Variants in FHOD3 observed in about 807,000 individuals in gnomAD.
FHOD3 encodes the protein FH1/FH2 domain-containing protein 3.
In FHOD3, 90 loss-of-function variants were observed where a neutral mutation model predicts 173.0. The ratio of observed to expected loss-of-function variants is 0.52; its 90% confidence interval spans 0.44 to 0.62. FHOD3 has a LOEUF of 0.62. Among genes scored for constraint, FHOD3 ranks in the 20% least tolerant of loss-of-function variants. The probability of loss-of-function intolerance (pLI) is 0.00; values close to 1 mark genes in which losing one functional copy is unlikely to be tolerated. For synonymous variants in FHOD3, 828 were observed against 823.0 expected (o/e 1.01, Z -0.10); for missense variants, 1,945 against 2,034.7 (o/e 0.96, Z 0.85).
chr18:36,764,509 C>CAG (rs1409004677), intron 27 of FHOD3, among the ~76,000 whole-genome samples: 1 of 151,830 alleles, frequency 6.6e-6, no homozygotes, highest in Non-Finnish European at 1.5e-5. Flanking sequence ...GCCATCAGAC[C>CAG]AGAGTCTTGA....
chr18:36,628,449 A>C (rs2034273261), intron 10 of FHOD3, among the ~76,000 whole-genome samples: 1 of 152,246 alleles, frequency 6.6e-6, no homozygotes, highest in South Asian at 2.1e-4. Context: ...AAATACAAAA[A>C]TTCAAAGACT....
intron 3 of FHOD3, among the ~76,000 whole-genome samples, chr18:36,466,030 C>G (rs1452125549): frequency 6.6e-6 from 1 of 152,060 alleles, no homozygotes; most frequent in Non-Finnish European, 1.5e-5. Context: ...GCCCTTTTCC[C>G]CTCTCTGCCC....
intron 22 of FHOD3, 102 bp from the exon 23 acceptor site, chr18:36,743,930 C>T: frequency 7.5e-7 from 1 of 1,324,756 alleles, no homozygotes; most frequent in South Asian, 1.2e-5. Flanking sequence ...CACAGAGAAA[C>T]TGAATGTTGG....
At chr18:36,466,671 G>T (rs2052959434) in intron 3 of FHOD3, among the ~76,000 whole-genome samples, 1 of 152,152 alleles carries the variant, frequency 6.6e-6, no homozygotes, top group South Asian at 2.1e-4. Flanking sequence ...CCTCATGGGT[G>T]GGTCTTTCTC....
At chr18:36,691,053 A>G (rs995542709) in intron 16 of FHOD3, among the ~76,000 whole-genome samples, 1 of 152,228 alleles carries the variant, frequency 6.6e-6, no homozygotes, top group African/African-American at 2.4e-5. Flanking sequence ...CAGGAATAGC[A>G]TTTGAGTCAA....
At chr18:36,648,796 G>C (rs2035855488) in intron 10 of FHOD3, among the ~76,000 whole-genome samples, 2 of 152,138 alleles carry the variant, frequency 1.3e-5, no homozygotes, top group East Asian at 1.9e-4. Flanking sequence ...TGAGAATAAG[G>C]GGTGGCATAC....
intron 19 of FHOD3, 79 bp from the exon 20 acceptor site, chr18:36,730,567 G>T: frequency 7.1e-7 from 1 of 1,411,774 alleles, no homozygotes; most frequent in Non-Finnish European, 9.8e-7. Context: ...TAAATAAGTA[G>T]TGAGTGCTTT....
rs181043461 is a variant in FHOD3 at position 36,426,209 on chromosome 18, A to T, written c.337+53465A>T. ...ATGAGCCACCGCGCCCGGCCTTCAC[A>T]CACTATTTCATTTCATCCTCACAGC... On this transcript the variant is annotated intron_variant, in intron 3 of 28. Coordinates refer to ENST00000590592, the MANE Select transcript of FHOD3 (RefSeq NM_001281740.3). 2.8e-3 allele frequency among the ~76,000 whole-genome samples: 429 copies of T among 152,188 alleles called. 2 individuals are homozygous for T. Among genetic ancestry groups the T allele is most frequent in the Non-Finnish European group, 4.7e-3 (318 of 68,004 alleles).
At chr18:36,432,735 A>G (rs573000271) in intron 3 of FHOD3, among the ~76,000 whole-genome samples, 1 of 152,338 alleles carries the variant, frequency 6.6e-6, no homozygotes, top group South Asian at 2.1e-4. Flanking sequence ...GCTGGTTTTG[A>G]AAAGCAGATG....
chr18:36,653,899 G>A (rs2036235245), intron 13 of FHOD3, among the ~76,000 whole-genome samples: 1 of 152,212 alleles, frequency 6.6e-6, no homozygotes, highest in Non-Finnish European at 1.5e-5. Context: ...TTGAGAGGTA[G>A]GTTCTATTAC....
At chr18:36,723,750 C>T (rs1487823103) in intron 19 of FHOD3, among the ~76,000 whole-genome samples, 1 of 152,180 alleles carries the variant, frequency 6.6e-6, no homozygotes, top group African/African-American at 2.4e-5. Context: ...AAGTCCTCAG[C>T]CCAGTGTCTA....
intron 1 of FHOD3, among the ~76,000 whole-genome samples, chr18:36,334,795 G>A (rs2045217640): frequency 1.3e-5 from 2 of 152,194 alleles, no homozygotes; most frequent in South Asian, 4.1e-4. Context: ...ATCTGATTTA[G>A]GTTTTAGTGG....
chr18:36,671,530 G>T (rs766623663), intron 14 of FHOD3, among the ~76,000 whole-genome samples: 3 of 152,188 alleles, frequency 2.0e-5, no homozygotes, highest in Non-Finnish European at 4.4e-5. Flanking sequence ...CACTGAAATA[G>T]ACTCCAGTTA....
At chr18:36,591,242 A>G (rs66726259) in intron 6 of FHOD3, among the ~76,000 whole-genome samples, 47,565 of 152,074 alleles carry the variant, frequency 0.31, 7,849 homozygotes, top group African/African-American at 0.37. Flanking sequence ...GCCTCAAGTT[A>G]TGAGGGCAGA....
At chr18:36,478,586 CCTT>C (rs1251387732) in intron 3 of FHOD3, among the ~76,000 whole-genome samples, 3 of 152,186 alleles carry the variant, frequency 2.0e-5, no homozygotes, top group Non-Finnish European at 4.4e-5. Flanking sequence ...AGGTCTGCCT[CCTT>C]CTGTCCACTT....
At chr18:36,758,519 G>C (rs571347763) in intron 25 of FHOD3, among the ~76,000 whole-genome samples, 2 of 152,348 alleles carry the variant, frequency 1.3e-5, no homozygotes, top group South Asian at 2.1e-4. Context: ...CCTGAGGAGA[G>C]AGTAATGTGA....
intron 14 of FHOD3, among the ~76,000 whole-genome samples, chr18:36,678,524 C>CAAAAAAAAAAAAA (rs58064190): frequency 4.2e-5 from 3 of 71,152 alleles, no homozygotes; most frequent in Admixed American, 1.8e-4. Context: ...GACCCTGTCT[C>CAAAAAAAAAAAAA]AAAAAAAAAA....
intron 20 of FHOD3, among the ~76,000 whole-genome samples, chr18:36,739,041 CA>C (rs1288583153): frequency 1.3e-5 from 2 of 152,130 alleles, no homozygotes; most frequent in Admixed American, 1.3e-4. Flanking sequence ...AAAAAACTGA[CA>C]AAAACCACAG....
At chr18:36,549,167 A>G (rs924780899) in intron 5 of FHOD3, among the ~76,000 whole-genome samples, 3 of 152,208 alleles carry the variant, frequency 2.0e-5, no homozygotes, top group Non-Finnish European at 4.4e-5. Context: ...CATTTGCCTA[A>G]TGACTAATGA....
Sources: gnomAD v4.1 joint callset for allele counts (sites outside exome capture counted in the v4.1 genomes callset) on GRCh38, gnomAD v4.1.1 for gene constraint, MANE v1.5 for transcripts, NCBI Gene and HGNC (gene_info 2026-07-23, HGNC 2026-07-21) for gene names.